HSPBAP1: variants seen among roughly 807,000 people sequenced by gnomAD.
HSPBAP1 encodes HSPB1-associated protein 1.
In HSPBAP1, 27 loss-of-function variants were observed where a neutral mutation model predicts 45.2. The ratio of observed to expected loss-of-function variants is 0.60; its 90% confidence interval spans 0.44 to 0.82. The LOEUF is 0.82. HSPBAP1 is among the 40% of genes least tolerant of loss of function. The pLI is 0.00. For synonymous variants in HSPBAP1, 204 were observed against 202.7 expected (o/e 1.01, Z -0.06); for missense variants, 510 against 590.9 (o/e 0.86, Z 1.42).
At chr3:122,792,680 C>T (rs575066457) in intron 1 of HSPBAP1, among the ~76,000 whole-genome samples, 130 of 152,198 alleles carry the variant, frequency 8.5e-4, no homozygotes, top group Middle Eastern at 6.8e-3. Flanking sequence ...CGAGACCATC[C>T]TGGCCAACAT....
chr3:122,752,511 T>G (rs1934189346), intron 6 of HSPBAP1, 80 bp downstream of exon 6: 10 of 817,984 alleles, frequency 1.2e-5, no homozygotes. Context: ...ATTACCCAGT[T>G]GTACAGCCAG....
chr3:122,748,657 A>ACACATGAAGCTG (rs1333222684), intron 6 of HSPBAP1, among the ~76,000 whole-genome samples: 1 of 152,252 alleles, frequency 6.6e-6, no homozygotes, highest in African/African-American at 2.4e-5. Flanking sequence ...AAAATGGCAC[A>ACACATGAAGCTG]ATCACAATGA....
rs1935915711 is a variant in HSPBAP1 at position 122,793,762 on chromosome 3, C to T, written c.-82G>A. On this transcript the variant is annotated 5_prime_UTR_variant, in exon 1 of 8. Coordinates refer to ENST00000306103, the MANE Select transcript of HSPBAP1 (RefSeq NM_024610.6). Reference sequence around the variant, plus strand: ...TCAGAGTAGGGGCCAAACTCCGAGACCCGAAGCTGCACCACAGGAAGGAGC... The same window carrying T: ...TCAGAGTAGGGGCCAAACTCCGAGATCCGAAGCTGCACCACAGGAAGGAGC... 7.6e-7 allele frequency: 1 copy of T among 1,309,064 alleles called. No homozygotes were observed. Among genetic ancestry groups the T allele is most frequent in the Non-Finnish European group, 1.1e-6 (1 of 915,624 alleles). The allele number at this position is 1,309,064 out of a possible 1,614,324, so 81.1% of individuals were successfully genotyped here.
At chr3:122,769,030 GCCTGTAAT>G in intron 2 of HSPBAP1, 148 bp from the exon 3 acceptor site, 1 of 593,966 alleles carries the variant, frequency 1.7e-6, no homozygotes, top group Non-Finnish European at 2.9e-6. Flanking sequence ...GGTGGTGCAT[GCCTGTAAT>G]CCTAGTTTCT....
At chr3:122,773,405 G>A (rs756094192) in intron 2 of HSPBAP1, among the ~76,000 whole-genome samples, 1 of 146,154 alleles carries the variant, frequency 6.8e-6, no homozygotes, top group Non-Finnish European at 1.5e-5. Flanking sequence ...TGCTTCTGGG[G>A]TTCAAGCGAG....
chr3:122,752,283 A>C (rs1200437666), intron 6 of HSPBAP1, among the ~76,000 whole-genome samples: 1 of 152,196 alleles, frequency 6.6e-6, no homozygotes, highest in Non-Finnish European at 1.5e-5. Context: ...CATATCGGCA[A>C]ATCTGGCCAG....
intron 6 of HSPBAP1, among the ~76,000 whole-genome samples, chr3:122,749,695 A>T (rs1250600388): frequency 6.6e-6 from 1 of 151,750 alleles, no homozygotes. Context: ...TGCAACCTCC[A>T]CCTCCTGGGT....
At chr3:122,744,375 A>T (rs1576230991) in intron 6 of HSPBAP1, among the ~76,000 whole-genome samples, 1 of 152,246 alleles carries the variant, frequency 6.6e-6, no homozygotes, top group African/African-American at 2.4e-5. Flanking sequence ...CTTGAGTTAT[A>T]TAAGTATGGT....
chr3:122,751,708 C>T (rs930974362), intron 6 of HSPBAP1, among the ~76,000 whole-genome samples: 5 of 152,156 alleles, frequency 3.3e-5, no homozygotes, highest in African/African-American at 1.2e-4. Flanking sequence ...TCTGCTGCAA[C>T]TCCAGTTCAG....
At chr3:122,759,182 G>A (rs187359257) in intron 4 of HSPBAP1, 42 bp downstream of exon 4, 261 of 907,314 alleles carry the variant, frequency 2.9e-4, no homozygotes, top group Middle Eastern at 5.8e-4. Context: ...GCACATGTGC[G>A]TTCCACACAC....
intron 3 of HSPBAP1, among the ~76,000 whole-genome samples, chr3:122,763,535 G>T (rs745408022): frequency 6.6e-6 from 1 of 151,834 alleles, no homozygotes; most frequent in Non-Finnish European, 1.5e-5. Flanking sequence ...GTTCACCATT[G>T]CATTTGTATT....
chr3:122,747,683 GCCT>G (rs1187180260), intron 6 of HSPBAP1, among the ~76,000 whole-genome samples: 1 of 145,954 alleles, frequency 6.9e-6, no homozygotes, highest in East Asian at 2.1e-4. Context: ...GGTGAGGGGC[GCCT>G]CTGCCCAGCC....
intron 1 of HSPBAP1, among the ~76,000 whole-genome samples, chr3:122,790,651 T>G (rs938686144): frequency 6.6e-6 from 1 of 152,180 alleles, no homozygotes; most frequent in African/African-American, 2.4e-5. Flanking sequence ...CATGTGCCAT[T>G]CAAATATTTT....
rs1380963133 is a variant in HSPBAP1 at position 122,793,600 on chromosome 3, C to T, written c.64+17G>A. ...ATTGGGTTTGTACTCAGGGTCGGAC[C>T]TCAGCCTGGCACCTACCTTCCTCCC... On this transcript the variant is annotated intron_variant, in intron 1 of 7. Transcript: ENST00000306103. 2 of 1,613,162 alleles carry T rather than the reference C, an allele frequency of 1.2e-6. No homozygotes were observed. The highest frequency in any genetic ancestry group is 1.7e-6 in the Non-Finnish European group (2 of 1,179,568).
At position 122,755,305 on chromosome 3, in the gene HSPBAP1, C is replaced by G. The variant is rs763169282; in HGVS notation, c.696G>C (p.Gln232His). 8 of 1,602,414 alleles carry G rather than the reference C, an allele frequency of 5.0e-6. No individual in the cohort carries two copies. Among genetic ancestry groups the G allele is most frequent in the Non-Finnish European group, 2.6e-6 (3 of 1,175,552 alleles). The stretch of plus-strand genomic sequence containing the variant: ...CCGCATGTCTTTGAGCTTTCCGGAA[C>G]TGAGGAAAACGCTTTAAATCAGGAT... ...VVNPDLKRFP[Q>H]FRKAQRHAVT... The change falls in exon 5 of 8, where the codon CAG becomes CAC. Residue 232 changes from glutamine (Q) to histidine (H), a missense_variant. Physicochemically the swap from Gln to His is conservative, Grantham distance 24. Coordinates refer to ENST00000306103, the MANE Select transcript of HSPBAP1 (RefSeq NM_024610.6).
chr3:122,750,067 CT>C, intron 6 of HSPBAP1, among the ~76,000 whole-genome samples: 1 of 151,464 alleles, frequency 6.6e-6, no homozygotes, highest in East Asian at 2.0e-4. Context: ...TTCTGTCTCC[CT>C]GGTTCAAGCG....
chr3:122,747,796 G>A lies in HSPBAP1; in HGVS notation c.825+4795C>T, dbSNP rs559930675. Among the ~76,000 whole-genome samples, 436 of 151,402 alleles carry A rather than the reference G, an allele frequency of 2.9e-3. 4 individuals carry two copies. The highest frequency in any genetic ancestry group is 9.0e-3 in the African/African-American group (372 of 41,292). On this transcript the variant is annotated intron_variant, in intron 6 of 7. Transcript: ENST00000306103. ...CCCCGCCCGGCCAGCCGCCCCGTCC[G>A]GGAGGTGAGGGGCGCCTCTGCCCAG...
chr3:122,787,403 C>G (rs1935690486), intron 1 of HSPBAP1, among the ~76,000 whole-genome samples: 2 of 152,036 alleles, frequency 1.3e-5, no homozygotes, highest in African/African-American at 4.8e-5. Context: ...GACTTTAAGA[C>G]AAGAATAAGG....
At chr3:122,747,007 C>T (rs960476008) in intron 6 of HSPBAP1, among the ~76,000 whole-genome samples, 1 of 152,132 alleles carries the variant, frequency 6.6e-6, no homozygotes, top group African/African-American at 2.4e-5. Flanking sequence ...TCGCTACAAC[C>T]TCCACCTCCC....
Sources: gnomAD v4.1 joint callset for allele counts (sites outside exome capture counted in the v4.1 genomes callset) on GRCh38, gnomAD v4.1.1 for gene constraint, MANE v1.5 for transcripts, NCBI Gene and HGNC (gene_info 2026-07-23, HGNC 2026-07-21) for gene names.